The following FBXW7 variants were observed in gnomAD, a reference collection of about 807,000 sequenced individuals.
FBXW7 encodes the protein F-box and WD repeat domain containing 7.
FBXW7 carries 11 observed loss-of-function variants against 86.3 expected under a neutral mutation model. The ratio of observed to expected loss-of-function variants is 0.13; its 90% CI spans 0.08 to 0.21. The LOEUF is 0.21. Among genes scored for constraint, FBXW7 ranks in the 10% least tolerant of loss-of-function variants. The pLI, the probability that FBXW7 is intolerant of heterozygous loss-of-function variation, is 1.00. For synonymous variants in FBXW7, 313 were observed against 297.9 expected (o/e 1.05, Z -0.52); for missense variants, 488 against 847.4 (o/e 0.58, Z 5.27).
At chr4:152,346,837 TA>T in intron 6 of FBXW7, 92 bp downstream of exon 6, 1 of 1,525,194 alleles carries the variant, frequency 6.6e-7, no homozygotes, top group African/African-American at 1.4e-5. Flanking sequence ...GTATACTATG[TA>T]ACAGTGTTTC....
chr4:152,530,638 T>C (rs191142797), intron 2 of FBXW7: 2 of 152,358 alleles, frequency 1.3e-5, no homozygotes, highest in East Asian at 3.9e-4. Flanking sequence ...TTATGCAGAA[T>C]CATTTTAAAT....
intron 4 of FBXW7, among the ~76,000 whole-genome samples, chr4:152,408,143 G>A (rs559711050): frequency 1.3e-5 from 2 of 152,254 alleles, no homozygotes; most frequent in South Asian, 4.1e-4. Flanking sequence ...AAGAGAACAG[G>A]TGGAAGCCAC....
At chr4:152,477,489 A>G (rs185072343) in intron 2 of FBXW7, among the ~76,000 whole-genome samples, 66 of 152,310 alleles carry the variant, frequency 4.3e-4, no homozygotes, top group Non-Finnish European at 1.2e-4. Context: ...TCATCTAAAG[A>G]GAATCCGGTA....
chr4:152,358,953 G>C (rs184955705), intron 4 of FBXW7, among the ~76,000 whole-genome samples: 33 of 152,186 alleles, frequency 2.2e-4, no homozygotes, highest in African/African-American at 6.7e-4. Flanking sequence ...ATTTCCATTA[G>C]ATATGTGGTA....
chr4:152,527,863 T>TAC (rs749531242), intron 2 of FBXW7, among the ~76,000 whole-genome samples: 132 of 103,970 alleles, frequency 1.3e-3, no homozygotes, highest in Admixed American at 1.7e-3. Context: ...TTAAAAATTA[T>TAC]ATACACACAC....
intron 11 of FBXW7, among the ~76,000 whole-genome samples, chr4:152,326,858 C>A (rs1486079145): frequency 6.6e-6 from 1 of 152,024 alleles, no homozygotes; most frequent in Admixed American, 6.6e-5. Context: ...TCCTCAAACA[C>A]AGGCTGCTTA....
At chr4:152,454,179 CA>C (rs921419260) in intron 2 of FBXW7, among the ~76,000 whole-genome samples, 1 of 151,460 alleles carries the variant, frequency 6.6e-6, no homozygotes, top group African/African-American at 2.4e-5. Flanking sequence ...AAACAGAATC[CA>C]AAGAACTACC....
intron 2 of FBXW7, among the ~76,000 whole-genome samples, chr4:152,428,046 C>A (rs1391885253): frequency 2.0e-5 from 3 of 152,276 alleles, no homozygotes; most frequent in South Asian, 4.2e-4. Context: ...GTTGAAGCTA[C>A]ACCCTTTCCC....
chr4:152,362,938 T>C (rs1733125847), intron 4 of FBXW7, among the ~76,000 whole-genome samples: 1 of 151,802 alleles, frequency 6.6e-6, no homozygotes, highest in South Asian at 2.1e-4. Flanking sequence ...AGATTAAAAT[T>C]AAGTGGTATT....
In FBXW7 at chr4:152,411,434, C is replaced by T. The variant is rs768666009; in HGVS notation, c.370G>A (p.Asp124Asn). The change falls in exon 4 of 14, where the codon GAT (aspartate) becomes AAT (asparagine). Residue 124 changes from aspartate to asparagine, a missense_variant. Physicochemically the swap from Asp to Asn is conservative, Grantham distance 23. This residue lies in a region of FBXW7 where 230 missense variants were observed against 240.0 expected (regional missense o/e 0.96). Coordinates refer to ENST00000281708, the MANE Select transcript of FBXW7 (RefSeq NM_001349798.2). ...CTACTATCATCAGACTGATCAAAAT[C>T]GTCACTCTCCTGGTCCATCTCCTCC... is the stretch of plus-strand genomic sequence containing the variant. ...EEEEMDQESD[D>N]FDQSDDSSRE... is the part of the protein sequence containing the mutation. 20 of 1,613,374 alleles carry T rather than the reference C, an allele frequency of 1.2e-5. No individual in the cohort carries two copies. The highest frequency in any genetic ancestry group is 1.1e-4 in the South Asian group (10 of 91,054).
intron 9 of FBXW7, among the ~76,000 whole-genome samples, chr4:152,330,355 A>G (rs1243327255): frequency 1.3e-5 from 2 of 151,940 alleles, no homozygotes; most frequent in Non-Finnish European, 2.9e-5. Flanking sequence ...AATAAGACAC[A>G]CAAAAGTCAC....
intron 4 of FBXW7, among the ~76,000 whole-genome samples, chr4:152,371,562 T>C (rs1420294877): frequency 6.6e-6 from 1 of 152,050 alleles, no homozygotes; most frequent in Non-Finnish European, 1.5e-5. Flanking sequence ...TATGTACATG[T>C]ATGTAGTTAT....
At position 152,507,081 on chromosome 4, in the gene FBXW7, T is replaced by A. The variant is rs560076238; in HGVS notation, c.-120+27860A>T. 2.0e-5 allele frequency among the ~76,000 whole-genome samples: 3 copies of A among 152,332 alleles called. No individual in the cohort carries two copies. In the South Asian group the frequency reaches 6.2e-4, roughly 32 times the overall value. On this transcript the variant is annotated intron_variant, in intron 2 of 13. Coordinates refer to ENST00000281708, the MANE Select transcript of FBXW7 (RefSeq NM_001349798.2). ...CCATCTAGAAACTGCAAATTTGAAG[T>A]TGTCTATTTATTATACATAGGAGCA...
chr4:152,530,716 G>C (rs1268840654), intron 2 of FBXW7: 1 of 152,216 alleles, frequency 6.6e-6, no homozygotes, highest in Admixed American at 6.5e-5. Context: ...TGGCTTTGTA[G>C]TGTAATAAAG....
intron 4 of FBXW7, among the ~76,000 whole-genome samples, chr4:152,353,410 G>T (rs1387346957): frequency 6.6e-6 from 1 of 152,092 alleles, no homozygotes; most frequent in African/African-American, 2.4e-5. Context: ...TAAAAACATT[G>T]CCTATGCTTT....
At chr4:152,517,350 T>C (rs1272907856) in intron 2 of FBXW7, among the ~76,000 whole-genome samples, 1 of 152,224 alleles carries the variant, frequency 6.6e-6, no homozygotes, top group Non-Finnish European at 1.5e-5. Flanking sequence ...AAGTCTACTA[T>C]CTAATTAATA....
intron 3 of FBXW7, among the ~76,000 whole-genome samples, chr4:152,412,089 C>T (rs930515896): frequency 2.0e-5 from 3 of 152,058 alleles, no homozygotes; most frequent in African/African-American, 7.2e-5. Flanking sequence ...TAGTAAACAA[C>T]ACTAATCCCT....
chr4:152,445,471 G>A (rs1424505187), intron 2 of FBXW7, among the ~76,000 whole-genome samples: 1 of 152,244 alleles, frequency 6.6e-6, no homozygotes, highest in Non-Finnish European at 1.5e-5. Context: ...GCAGCAGGCT[G>A]ATGCCTAAAG....
intron 6 of FBXW7, 181 bp downstream of exon 6, chr4:152,346,749 C>A: frequency 1.3e-6 from 1 of 741,682 alleles, no homozygotes; most frequent in East Asian, 2.9e-5. Context: ...CTGGACATTT[C>A]ATATAAAGAG....
Sources: allele counts gnomAD v4.1 joint callset (sites outside exome capture counted in the v4.1 genomes callset), GRCh38; gene constraint gnomAD v4.1.1; regional missense constraint gnomAD v4.1.1; transcripts MANE v1.5; gene names NCBI Gene and HGNC (gene_info 2026-07-23, HGNC 2026-07-21).